SLC15A2: variants seen among roughly 807,000 people sequenced by gnomAD.
SLC15A2 encodes the protein kidney H(+)/peptide cotransporter.
Under a neutral mutation model 95.5 loss-of-function variants are expected in SLC15A2, and 77 were observed. That is an observed-to-expected ratio of 0.81 (90% CI 0.67 to 0.97). The LOEUF is 0.97. SLC15A2 is among the 50% of genes least tolerant of loss of function. The pLI is 0.00. For synonymous variants in SLC15A2, 306 were observed against 306.9 expected (o/e 1.00, Z 0.03); for missense variants, 893 against 874.4 (o/e 1.02, Z -0.27).
intron 7 of SLC15A2, among the ~76,000 whole-genome samples, chr3:121,920,357 G>A (rs1017645056): frequency 1.3e-5 from 2 of 152,048 alleles, no homozygotes; most frequent in South Asian, 2.1e-4. Context: ...GTGTGGTGGC[G>A]CAATCTCAGC....
intron 3 of SLC15A2, among the ~76,000 whole-genome samples, chr3:121,905,334 G>C (rs1709613394): frequency 6.6e-6 from 1 of 152,036 alleles, no homozygotes; most frequent in Admixed American, 6.6e-5. Flanking sequence ...AGGGTTTTTT[G>C]TGTCTCTATC....
chr3:121,918,799 G>GGTCAC (rs1181826640), intron 7 of SLC15A2, among the ~76,000 whole-genome samples: 1 of 152,196 alleles, frequency 6.6e-6, no homozygotes, highest in Non-Finnish European at 1.5e-5. Flanking sequence ...ACAACAAGGA[G>GGTCAC]GTCACTGATA....
chr3:121,939,580 A>T, intron 20 of SLC15A2, 85 bp downstream of exon 20: 1 of 1,223,274 alleles, frequency 8.2e-7, no homozygotes, highest in South Asian at 1.9e-5. Flanking sequence ...TTAAATAGGT[A>T]TGTTATCTCT....
At chr3:121,926,458 G>A (rs967948962) in intron 13 of SLC15A2, among the ~76,000 whole-genome samples, 13 of 152,214 alleles carry the variant, frequency 8.5e-5, no homozygotes, top group African/African-American at 2.9e-4. Flanking sequence ...GAGGGTACAA[G>A]CCATAAACCT....
At chr3:121,895,512 A>T (rs1709399420) in intron 1 of SLC15A2, 1 of 152,124 alleles carries the variant, frequency 6.6e-6, no homozygotes, top group African/African-American at 2.4e-5. Flanking sequence ...CTATTTTTTT[A>T]GTTAATGATA....
At chr3:121,907,621 G>A (rs7623754) in intron 3 of SLC15A2, among the ~76,000 whole-genome samples, 67,675 of 151,806 alleles carry the variant, frequency 0.45, 15,565 homozygotes, top group East Asian at 0.69. Context: ...CCTCAGCTGC[G>A]GGTCTGTTGG....
chr3:121,930,794 A>C (rs375100741), intron 17 of SLC15A2, 46 bp from the exon 18 acceptor site: 22 of 1,254,248 alleles, frequency 1.8e-5, no homozygotes, highest in Non-Finnish European at 2.6e-5. Context: ...CTCTTTTATC[A>C]GGTGTTCCTG....
At chr3:121,926,247 A>G (rs1414422300) in intron 13 of SLC15A2, among the ~76,000 whole-genome samples, 1 of 152,152 alleles carries the variant, frequency 6.6e-6, no homozygotes, top group East Asian at 1.9e-4. Context: ...TGTAATCCCC[A>G]ATGTTGGATG....
In SLC15A2 at chr3:121,943,862, C is replaced by T. The variant is rs576833949; in HGVS notation, c.*2855C>T. On this transcript the variant is annotated 3_prime_UTR_variant, in exon 22 of 22. Transcript: ENST00000489711. Reference sequence around the variant, plus strand: ...GCACAGCATGTTACTGTATTAAATGCTGTAGGCAATTGTAACACAATGGTA... The same window carrying T: ...GCACAGCATGTTACTGTATTAAATGTTGTAGGCAATTGTAACACAATGGTA... 6.6e-6 allele frequency: 1 copy of T among 152,318 alleles called. No individual in the cohort carries two copies. The highest frequency in any genetic ancestry group is 6.5e-5 in the Admixed American group (1 of 15,308). The allele number at this position is 152,318 out of a possible 1,614,324, so 9.4% of individuals were successfully genotyped here. A position where few individuals can be genotyped will look rare whatever the true frequency, so the allele number is the denominator to read the frequency against.
intron 7 of SLC15A2, among the ~76,000 whole-genome samples, chr3:121,917,766 C>T (rs1709925341): frequency 6.6e-6 from 1 of 151,908 alleles, no homozygotes; most frequent in South Asian, 2.1e-4. Flanking sequence ...AAAGGAATGA[C>T]ATTTAAGGTG....
chr3:121,915,954 G>T (rs1709887743), intron 7 of SLC15A2, among the ~76,000 whole-genome samples: 1 of 152,156 alleles, frequency 6.6e-6, no homozygotes, highest in African/African-American at 2.4e-5. Context: ...GGGCCAGTCA[G>T]GGACTTGGGC....
intron 3 of SLC15A2, among the ~76,000 whole-genome samples, chr3:121,907,679 G>A (rs1709680280): frequency 1.3e-5 from 2 of 152,256 alleles, no homozygotes; most frequent in Non-Finnish European, 2.9e-5. Context: ...GGTATCACCA[G>A]TGGAGGCTGC....
At chr3:121,936,040 A>G (rs1710339679) in intron 19 of SLC15A2, among the ~76,000 whole-genome samples, 3 of 152,116 alleles carry the variant, frequency 2.0e-5, no homozygotes, top group Non-Finnish European at 2.9e-5. Context: ...GTCATTCAGG[A>G]GCAGGTTTTT....
chr3:121,920,050 A>G (rs1403404890), intron 7 of SLC15A2, among the ~76,000 whole-genome samples: 2 of 152,226 alleles, frequency 1.3e-5, no homozygotes, highest in Non-Finnish European at 2.9e-5. Context: ...AGGCAACATC[A>G]TCTACTAGAA....
At chr3:121,926,036 G>T (rs1018528349) in intron 13 of SLC15A2, among the ~76,000 whole-genome samples, 5 of 151,940 alleles carry the variant, frequency 3.3e-5, no homozygotes, top group Non-Finnish European at 7.4e-5. Context: ...GGTAAATGTG[G>T]TGTATCACAG....
chr3:121,906,824 A>T (rs1709657301), intron 3 of SLC15A2, among the ~76,000 whole-genome samples: 1 of 151,968 alleles, frequency 6.6e-6, no homozygotes, highest in African/African-American at 2.4e-5. Flanking sequence ...GGTGAATCTG[A>T]CAATTATGTG....
Position 121,922,291 on chromosome 3 carries a change from A to C in SLC15A2, c.769A>C (p.Lys257Gln). 6.2e-7 allele frequency: 1 copy of C among 1,613,696 alleles called. No homozygotes were observed. Reference protein sequence around the residue: ...PEGNIVAQVFKCIWFAISNRF... With the variant: ...PEGNIVAQVFQCIWFAISNRF... Reference sequence around the variant, plus strand: ...AGGAAACATAGTGGCTCAAGTTTTCAAATGTATCTGGGTAAGTCCATAAAT... The same window carrying C: ...AGGAAACATAGTGGCTCAAGTTTTCCAATGTATCTGGGTAAGTCCATAAAT... Residue 257 changes from lysine to glutamine, a missense_variant, in exon 8 of 22, where the codon AAA becomes CAA. Lys to Gln is a moderately conservative substitution (Grantham distance 53). Coordinates refer to ENST00000489711, the MANE Select transcript of SLC15A2 (RefSeq NM_021082.4).
intron 14 of SLC15A2, 176 bp from the exon 15 acceptor site, chr3:121,928,245 G>A: frequency 1.5e-6 from 1 of 680,990 alleles, no homozygotes; most frequent in South Asian, 2.0e-5. Context: ...ACAATGAGCT[G>A]ATGTTTCCCT....
In SLC15A2 at chr3:121,897,536, A is replaced by G; in HGVS notation, c.335+7A>G. The G allele has an allele frequency of 6.2e-7, 1 of 1,613,846 alleles. No individual in the cohort carries two copies. The highest frequency in any genetic ancestry group is 1.3e-5 in the African/African-American group (1 of 75,032). On this transcript the variant is annotated splice_region_variant and intron_variant, in intron 3 of 21. Coordinates refer to ENST00000489711, the MANE Select transcript of SLC15A2 (RefSeq NM_021082.4). ...CGTGGTTGGGAAAATTCAAGTAAGG[A>G]AGATGGGAGGTCACATCCCTACAAG...
Sources: allele counts gnomAD v4.1 joint callset (sites outside exome capture counted in the v4.1 genomes callset), GRCh38; gene constraint gnomAD v4.1.1; transcripts MANE v1.5; gene names NCBI Gene and HGNC (gene_info 2026-07-23, HGNC 2026-07-21).